The following ABCA13 variants were observed in gnomAD, a reference collection of about 807,000 sequenced individuals.
ABCA13 encodes the protein ATP-binding cassette sub-family A member 13.
Under a neutral mutation model 478.7 loss-of-function variants are expected in ABCA13, and 476 were observed. The ratio of observed to expected loss-of-function variants is 0.99; its 90% CI spans 0.92 to 1.07. The LOEUF (loss-of-function observed/expected upper bound fraction) is 1.07, where lower values mean the gene tolerates loss of function less well. ABCA13 is among the 50% of genes least tolerant of loss of function. ABCA13 has a pLI of 0.00. For synonymous variants in ABCA13, 2,252 were observed against 2,158.9 expected, an observed-to-expected ratio of 1.04 and a Z score of -1.20; for missense variants, 6,060 against 5,910.6, an observed-to-expected ratio of 1.03 and a Z score of -0.83.
At chr7:48,400,564 T>A (rs929111842) in intron 38 of ABCA13, among the ~76,000 whole-genome samples, 1 of 152,220 alleles carries the variant, frequency 6.6e-6, no homozygotes, top group Non-Finnish European at 1.5e-5. Flanking sequence ...AGCCTCTAAA[T>A]AACTTTAAAA....
intron 55 of ABCA13, among the ~76,000 whole-genome samples, chr7:48,577,435 A>G (rs1788288661): frequency 6.6e-6 from 1 of 152,156 alleles, no homozygotes; most frequent in Admixed American, 6.6e-5. Context: ...TTAAAATATT[A>G]ATAAGGAAAT....
In ABCA13 at chr7:48,602,534, A is replaced by C. The variant is rs146566366; in HGVS notation, c.14744+7721A>C. ...GTTTTGTCAAAGATCAGATGGTTGTAGATGTGTGGTGTTATTTCTGAGGCC... is the reference window on the plus strand; with the variant it reads ...GTTTTGTCAAAGATCAGATGGTTGTCGATGTGTGGTGTTATTTCTGAGGCC... On this transcript the variant is annotated intron_variant, in intron 58 of 61. Coordinates refer to ENST00000435803, the MANE Select transcript of ABCA13 (RefSeq NM_152701.5). Among the ~76,000 whole-genome samples the C allele has an allele frequency of 8.6e-3, 1,311 of 152,206 alleles. 19 individuals carry two copies. Among genetic ancestry groups the C allele is most frequent in the African/African-American group, 0.03 (1,247 of 41,534 alleles).
In ABCA13 at chr7:48,279,483, A is replaced by G. The variant is rs2128774390; in HGVS notation, c.8289A>G (p.Thr2763=). Residue 2763 remains threonine, a synonymous_variant, in exon 18 of 62, where the codon ACA becomes ACG. Coordinates refer to ENST00000435803, the MANE Select transcript of ABCA13 (RefSeq NM_152701.5). ...GGAATGTTTCTAATGTGTTGATGAC[A>G]TTTACTCAGCATCCAAATAACCTTT... is the stretch of plus-strand genomic sequence containing the variant. ...DNWNVSNVLM[T]FTQHPNNLLK... 6.2e-7 allele frequency: 1 copy of G among 1,612,428 alleles called. No homozygotes were observed. The highest frequency in any genetic ancestry group is 1.1e-5 in the South Asian group (1 of 90,870).
chr7:48,579,687 C>T (rs970923101), intron 55 of ABCA13, among the ~76,000 whole-genome samples: 1 of 152,046 alleles, frequency 6.6e-6, no homozygotes, highest in Admixed American at 6.6e-5. Context: ...AAGGAGCTGC[C>T]CAGATGATTG....
chr7:48,584,804 T>C (rs1789017377), intron 56 of ABCA13, among the ~76,000 whole-genome samples: 1 of 152,248 alleles, frequency 6.6e-6, no homozygotes, highest in Admixed American at 6.5e-5. Flanking sequence ...AACTTTTATT[T>C]CTACCAATCA....
chr7:48,643,263 T>C (rs1490553912), intron 59 of ABCA13, 25 bp from the exon 60 acceptor site: 10 of 1,461,410 alleles, frequency 6.8e-6, no homozygotes, highest in African/African-American at 1.4e-5. Flanking sequence ...ATAATAATCA[T>C]GTTTCTATTT....
At chr7:48,298,534 T>G (rs746563916) in intron 23 of ABCA13, 47 bp downstream of exon 23, 1 of 1,589,994 alleles carries the variant, frequency 6.3e-7, no homozygotes. Flanking sequence ...GGAAGGAGCC[T>G]TAGCCTGAAG....
At chr7:48,487,328 A>C (rs1449070197) in intron 47 of ABCA13, among the ~76,000 whole-genome samples, 6 of 108,624 alleles carry the variant, frequency 5.5e-5, no homozygotes, top group African/African-American at 3.6e-4. Context: ...ACAAAACAAA[A>C]CAAAACAAAA....
intron 52 of ABCA13, among the ~76,000 whole-genome samples, chr7:48,518,383 A>G (rs1231717789): frequency 6.6e-6 from 1 of 152,210 alleles, no homozygotes; most frequent in African/African-American, 2.4e-5. Context: ...AGTGAGATTT[A>G]GCTCCAAAAG....
rs1244762092 is a variant in ABCA13 at position 48,278,502 on chromosome 7, G to A, written c.7308G>A (p.Lys2436=). 6.2e-7 allele frequency: 1 copy of A among 1,613,874 alleles called. No homozygotes were observed. Among genetic ancestry groups the A allele is most frequent in the South Asian group, 1.1e-5 (1 of 91,076 alleles). The change falls in exon 18 of 62, where the codon AAG becomes AAA. Residue 2436 remains lysine, a synonymous_variant. Coordinates refer to ENST00000435803, the MANE Select transcript of ABCA13 (RefSeq NM_152701.5). ...ATACAATTTTACACTCTCCTAATAA[G>A]GACTTCTATGCTTTGTATCCTACCC... ...LLDTILHSPN[K]DFYALYPTLQ...
At chr7:48,392,200 A>G in intron 38 of ABCA13, 61 bp downstream of exon 38, 4 of 1,494,770 alleles carry the variant, frequency 2.7e-6, no homozygotes, top group Non-Finnish European at 3.7e-6. Flanking sequence ...GGAAGTGAAG[A>G]CAATAGAAAG....
chr7:48,197,263 G>C (rs901257123), intron 2 of ABCA13, among the ~76,000 whole-genome samples: 1 of 152,170 alleles, frequency 6.6e-6, no homozygotes, highest in African/African-American at 2.4e-5. Context: ...CAGGGACTGG[G>C]AAAAGAGAAA....
intron 35 of ABCA13, among the ~76,000 whole-genome samples, chr7:48,383,973 G>T (rs2129047094): frequency 6.6e-6 from 1 of 152,290 alleles, no homozygotes; most frequent in Non-Finnish European, 1.5e-5. Context: ...AATAATTTCT[G>T]CTTTTTCCCC....
At chr7:48,358,449 T>C (rs1686594311) in intron 31 of ABCA13, among the ~76,000 whole-genome samples, 1 of 151,882 alleles carries the variant, frequency 6.6e-6, no homozygotes, top group African/African-American at 2.4e-5. Context: ...TAAATGACAC[T>C]GTAGTGTGCA....
At chr7:48,387,366 ATTC>A (rs1439602308) in intron 35 of ABCA13, among the ~76,000 whole-genome samples, 5 of 152,188 alleles carry the variant, frequency 3.3e-5, no homozygotes, top group African/African-American at 1.2e-4. Flanking sequence ...ATTATGAATT[ATTC>A]TTCTTTATGG....
At chr7:48,542,041 G>A (rs67852079) in intron 55 of ABCA13, among the ~76,000 whole-genome samples, 21,240 of 151,260 alleles carry the variant, frequency 0.14, 2,062 homozygotes, top group African/African-American at 0.23. Flanking sequence ...TACATATGAG[G>A]CAAAGACACT....
At chr7:48,461,675 C>A (rs1336631591) in intron 43 of ABCA13, among the ~76,000 whole-genome samples, 1 of 152,118 alleles carries the variant, frequency 6.6e-6, no homozygotes, top group African/African-American at 2.4e-5. Flanking sequence ...CTCAGCCCAC[C>A]TGAGATTCAG....
intron 38 of ABCA13, among the ~76,000 whole-genome samples, chr7:48,402,333 C>CTAAGTTG (rs1235504104): frequency 1.3e-5 from 2 of 152,128 alleles, no homozygotes; most frequent in East Asian, 3.9e-4. Flanking sequence ...GGTTAATGTG[C>CTAAGTTG]TAAGTTTAAT....
intron 21 of ABCA13, among the ~76,000 whole-genome samples, chr7:48,296,500 C>T (rs1464198379): frequency 1.3e-5 from 2 of 150,028 alleles, no homozygotes; most frequent in East Asian, 2.0e-4. Context: ...CGCTCTGTTG[C>T]CCAGGCTGGA....
Sources: allele counts gnomAD v4.1 joint callset (sites outside exome capture counted in the v4.1 genomes callset), GRCh38; gene constraint gnomAD v4.1.1; transcripts MANE v1.5; gene names NCBI Gene and HGNC (gene_info 2026-07-23, HGNC 2026-07-21).